RPAP1: variants seen among roughly 807,000 people sequenced by gnomAD.
The protein encoded by RPAP1 is RNA polymerase II associated protein 1.
RPAP1 carries 109 observed loss-of-function variants against 142.4 expected under a neutral mutation model. That is an observed-to-expected ratio of 0.77 (90% CI 0.66 to 0.90). The LOEUF is 0.90. RPAP1 is among the 40% of genes least tolerant of loss of function. RPAP1 has a pLI of 0.00. For synonymous variants in RPAP1, 704 were observed against 738.9 expected, an observed-to-expected ratio of 0.95 and a Z score of 0.77; for missense variants, 1,546 against 1,751.7, an observed-to-expected ratio of 0.88 and a Z score of 2.10.
intron 5 of RPAP1, among the ~76,000 whole-genome samples, 197 bp downstream of exon 5, chr15:41,535,315 C>A (rs985048012): frequency 6.6e-6 from 1 of 152,182 alleles, no homozygotes; most frequent in African/African-American, 2.4e-5. Context: ...TCTCTTAGGA[C>A]TGCATAATGG....
chr15:41,530,605 A>C, intron 7 of RPAP1, among the ~76,000 whole-genome samples: 1 of 152,348 alleles, frequency 6.6e-6, no homozygotes, highest in East Asian at 1.9e-4. Flanking sequence ...TGGCATGTTC[A>C]TAAGATCTTT....
chr15:41,540,459 G>A lies in RPAP1; in HGVS notation c.-76-3258C>T, dbSNP rs142817561. On this transcript the variant is annotated intron_variant, in intron 1 of 24. Transcript: ENST00000304330. Reference sequence around the variant, plus strand: ...TGGGATTATAGGCATGTGCCACCACGCCCAGCTAATTTTGTATTTTTAGTA... The same window carrying A: ...TGGGATTATAGGCATGTGCCACCACACCCAGCTAATTTTGTATTTTTAGTA... Among the ~76,000 whole-genome samples, 815 of 152,122 alleles carry A rather than the reference G, an allele frequency of 5.4e-3. 9 individuals are homozygous for A. The highest frequency in any genetic ancestry group is 0.018 in the African/African-American group (765 of 41,490).
chr15:41,525,434 G>A (rs2051781568), intron 14 of RPAP1, among the ~76,000 whole-genome samples: 1 of 151,898 alleles, frequency 6.6e-6, no homozygotes, highest in Admixed American at 6.6e-5. Context: ...TGTCTCCCAG[G>A]TTCAAGAGAC....
At chr15:41,522,357 A>G in intron 19 of RPAP1, 107 bp from the exon 20 acceptor site, 1 of 1,095,366 alleles carries the variant, frequency 9.1e-7, no homozygotes, top group Admixed American at 2.6e-5. Context: ...TGCCAGCAGA[A>G]GGCCTCCCTT....
chr15:41,522,306 C>T (rs1429238659), intron 19 of RPAP1, 56 bp from the exon 20 acceptor site: 4 of 1,542,372 alleles, frequency 2.6e-6, no homozygotes, highest in Non-Finnish European at 3.5e-6. Flanking sequence ...CCTTCTAGGG[C>T]TCCCCAGGTG....
At chr15:41,529,794 A>C in intron 8 of RPAP1, 70 bp downstream of exon 8, 2 of 1,162,194 alleles carry the variant, frequency 1.7e-6, no homozygotes, top group East Asian at 4.9e-5. Context: ...CTGAGTTCTG[A>C]GGGCAAGAGC....
intron 22 of RPAP1, among the ~76,000 whole-genome samples, chr15:41,519,111 G>T (rs2051699189): frequency 6.6e-6 from 1 of 152,202 alleles, no homozygotes; most frequent in South Asian, 2.1e-4. Flanking sequence ...AAGCTGGTCA[G>T]AAACTCTTGG....
intron 1 of RPAP1, among the ~76,000 whole-genome samples, chr15:41,542,793 C>A (rs549686306): frequency 5.3e-5 from 8 of 152,250 alleles, no homozygotes; most frequent in African/African-American, 1.9e-4. Flanking sequence ...CATGAAAGGA[C>A]ACAAACGCCA....
intron 1 of RPAP1, among the ~76,000 whole-genome samples, chr15:41,540,926 G>A (rs1174120881): frequency 6.6e-6 from 1 of 152,134 alleles, no homozygotes; most frequent in Non-Finnish European, 1.5e-5. Flanking sequence ...GCGCACTGTA[G>A]GATGTTTAGC....
At chr15:41,535,106 T>G (rs1033239568) in intron 5 of RPAP1, among the ~76,000 whole-genome samples, 171 bp from the exon 6 acceptor site, 4 of 152,190 alleles carry the variant, frequency 2.6e-5, no homozygotes, top group Non-Finnish European at 5.9e-5. Flanking sequence ...GCTTCTCCAC[T>G]CACTGCTTCC....
chr15:41,525,677 T>G (rs1433126870), intron 14 of RPAP1, among the ~76,000 whole-genome samples: 1 of 151,214 alleles, frequency 6.6e-6, no homozygotes, highest in African/African-American at 2.4e-5. Context: ...TTTTTTTAGA[T>G]GGAGTCTCGC....
At chr15:41,528,404 G>A (rs934648681) in intron 9 of RPAP1, 68 bp from the exon 10 acceptor site, 3 of 1,066,246 alleles carry the variant, frequency 2.8e-6, no homozygotes, top group Admixed American at 2.0e-5. Flanking sequence ...ACCAAGCAAG[G>A]TATCACAGGA....
intron 8 of RPAP1, 122 bp from the exon 9 acceptor site, chr15:41,529,690 G>A (rs1335837472): frequency 2.3e-6 from 2 of 871,728 alleles, no homozygotes; most frequent in African/African-American, 1.7e-5. Flanking sequence ...ACCAGAAATG[G>A]GGCTTATCTG....
intron 9 of RPAP1, 88 bp from the exon 10 acceptor site, chr15:41,528,424 A>G (rs1159348043): frequency 1.1e-6 from 1 of 927,408 alleles, no homozygotes; most frequent in African/African-American, 1.6e-5. Flanking sequence ...AAAGACAAAG[A>G]TAAATAAGTG....
intron 7 of RPAP1, 104 bp from the exon 8 acceptor site, chr15:41,530,083 A>T: frequency 4.8e-6 from 4 of 833,998 alleles, no homozygotes; most frequent in Middle Eastern, 2.4e-4. Context: ...CTGTTCCAGG[A>T]TCTGCCAGCT....
At chr15:41,531,629 T>A (rs11630234) in intron 6 of RPAP1, among the ~76,000 whole-genome samples, 399 of 13,816 alleles carry the variant, frequency 0.029, 22 homozygotes, top group East Asian at 0.051. Context: ...ATATATATAT[T>A]TTTTTTTTTT....
At position 41,521,735 on chromosome 15, in the gene RPAP1, T is replaced by TAC; in HGVS notation, c.3038+1_3038+2dup. 6.2e-7 allele frequency: 1 copy of TAC among 1,613,990 alleles called. No homozygotes were observed. The highest frequency in any genetic ancestry group is 8.5e-7 in the Non-Finnish European group (1 of 1,179,974). ...GAGTTGATGCCACCAACCAAGCACT[T>TAC]ACGGGAGGAACTCCAGCCGGAATAC... is the stretch of plus-strand genomic sequence containing the variant. On this transcript the variant is annotated splice_region_variant and intron_variant, in intron 21 of 24. Transcript: ENST00000304330.
chr15:41,526,534 T>A (rs560412054), intron 14 of RPAP1, among the ~76,000 whole-genome samples: 1 of 152,344 alleles, frequency 6.6e-6, no homozygotes, highest in African/African-American at 2.4e-5. Flanking sequence ...ATTACAGGCC[T>A]GAGCCACTAC....
At chr15:41,535,925 C>T (rs1041912397) in intron 4 of RPAP1, among the ~76,000 whole-genome samples, 7 of 152,162 alleles carry the variant, frequency 4.6e-5, no homozygotes, top group Non-Finnish European at 8.8e-5. Context: ...AATAAGGACT[C>T]CTCATCCCCA....
Sources: gnomAD v4.1 joint callset for allele counts (sites outside exome capture counted in the v4.1 genomes callset) on GRCh38, gnomAD v4.1.1 for gene constraint, MANE v1.5 for transcripts, NCBI Gene and HGNC (gene_info 2026-07-23, HGNC 2026-07-21) for gene names.